AKT3: variants seen among roughly 807,000 people sequenced by gnomAD.
AKT3 encodes RAC-gamma serine/threonine-protein kinase.
AKT3 carries 15 observed loss-of-function variants against 65.3 expected under a neutral mutation model. The ratio of observed to expected loss-of-function variants is 0.23; its 90% CI spans 0.15 to 0.35. AKT3 has a LOEUF of 0.35. Ranked by LOEUF, AKT3 falls within the 10% of genes least tolerant of loss-of-function variation. The pLI, the probability that AKT3 is intolerant of heterozygous loss-of-function variation, is 1.00. For synonymous variants in AKT3, 206 were observed against 183.8 expected (o/e 1.12, Z -0.98); for missense variants, 243 against 576.5 (o/e 0.42, Z 5.92).
intron 12 of AKT3, among the ~76,000 whole-genome samples, chr1:243,513,621 T>C (rs1670156559): frequency 6.6e-6 from 1 of 152,162 alleles, no homozygotes. Flanking sequence ...GACATTTCAG[T>C]TTATGGTACA....
At chr1:243,544,921 C>T (rs1175927966) in intron 12 of AKT3, among the ~76,000 whole-genome samples, 1 of 151,368 alleles carries the variant, frequency 6.6e-6, no homozygotes, top group Non-Finnish European at 1.5e-5. Context: ...GGTCTCAAAA[C>T]TCCTGGCCTC....
intron 4 of AKT3, among the ~76,000 whole-genome samples, chr1:243,656,511 TG>T (rs1456531869): frequency 1.3e-5 from 2 of 152,152 alleles, no homozygotes; most frequent in African/African-American, 4.8e-5. Flanking sequence ...AATAAAAGTT[TG>T]TGATGGGGAC....
intron 2 of AKT3, among the ~76,000 whole-genome samples, chr1:243,758,863 T>G (rs1572291517): frequency 6.6e-6 from 1 of 152,180 alleles, no homozygotes; most frequent in South Asian, 2.1e-4. Flanking sequence ...GGACCAGTAC[T>G]TGTCCACAGG....
chr1:243,665,791 G>A (rs1682725980), intron 3 of AKT3, among the ~76,000 whole-genome samples: 1 of 152,108 alleles, frequency 6.6e-6, no homozygotes, highest in Admixed American at 6.5e-5. Context: ...TCTGAGCTGG[G>A]CTTTAAAGGA....
chr1:243,523,305 AC>A lies in AKT3; in HGVS notation c.1252-10880del, dbSNP rs374967206. Among the ~76,000 whole-genome samples the A allele has an allele frequency of 2.5e-3, 358 of 145,770 alleles. 2 individuals are homozygous for A. Among genetic ancestry groups the A allele is most frequent in the African/African-American group, 8.3e-3 (323 of 38,824 alleles). ...CACACACACACACACACACACACAC[AC>A]ACCTTTCAGAAACCAATTGGATATC... On this transcript the variant is annotated intron_variant, in intron 12 of 13. Transcript: ENST00000673466.
At chr1:243,496,596 C>T (rs765410922), downstream of AKT3, among the ~76,000 whole-genome samples, 1 of 152,212 alleles carries the variant, frequency 6.6e-6, no homozygotes, top group Non-Finnish European at 1.5e-5. Context: ...GAGCCACCCA[C>T]GGAGACAGTG....
intron 1 of AKT3, among the ~76,000 whole-genome samples, chr1:243,849,428 C>T (rs1695660412): frequency 6.8e-6 from 1 of 146,164 alleles, no homozygotes; most frequent in Non-Finnish European, 1.5e-5. Flanking sequence ...TCCTGCGCGC[C>T]AGTGGCGGGG....
intron 3 of AKT3, among the ~76,000 whole-genome samples, chr1:243,675,436 G>C (rs1683440980): frequency 6.6e-6 from 1 of 152,136 alleles, no homozygotes; most frequent in Non-Finnish European, 1.5e-5. Flanking sequence ...CCTGACCTCA[G>C]GTGATCAGCC....
At position 243,693,242 on chromosome 1, in the gene AKT3, T is replaced by TTATATATATATATATATA. The variant is rs747780262; in HGVS notation, c.172+2348_172+2349insTATATATATATATATATA. 1.2e-4 allele frequency among the ~76,000 whole-genome samples: 7 copies of TTATATATATATATATATA among 59,980 alleles called. 2 individuals are homozygous for TTATATATATATATATATA. The highest frequency in any genetic ancestry group is 2.9e-4 in the African/African-American group (5 of 17,174). The allele number at this position is 59,980 out of a possible 152,430, so 39.3% of individuals were successfully genotyped here. A position where few individuals can be genotyped will look rare whatever the true frequency, so the allele number is the denominator to read the frequency against. Reference sequence around the variant, plus strand: ...ATATATCCCTTTGGTAGCTACAATTTGATATATATATATATATATATATAT... The same window carrying TTATATATATATATATATA: ...ATATATCCCTTTGGTAGCTACAATTTTATATATATATATATATAGATATATATATATATATATATATAT... On this transcript the variant is annotated intron_variant, in intron 3 of 13. Transcript: ENST00000673466.
At chr1:243,700,532 T>G (rs560360146) in intron 2 of AKT3, among the ~76,000 whole-genome samples, 4 of 146,114 alleles carry the variant, frequency 2.7e-5, no homozygotes, top group African/African-American at 1.0e-4. Context: ...TGAGACACAG[T>G]CTTGCTCTGT....
Position 243,573,119 on chromosome 1 carries a change from A to C in AKT3, c.697-71T>G, listed in dbSNP as rs182254806. 819 of 1,539,690 alleles carry C rather than the reference A, an allele frequency of 5.3e-4. 2 individuals carry two copies. The Middle Eastern group carries it at 0.011, about 21-fold the overall frequency. On this transcript the variant is annotated intron_variant, in intron 8 of 13. Coordinates refer to ENST00000673466, the MANE Select transcript of AKT3 (RefSeq NM_005465.7). ...AGTGGGGGAAATTAACACAAACATAAAACACCTCTCATCACCATATTGTGA... is the reference window on the plus strand; with the variant it reads ...AGTGGGGGAAATTAACACAAACATACAACACCTCTCATCACCATATTGTGA...
At chr1:243,624,940 C>G (rs997785567) in intron 6 of AKT3, 46 of 270,276 alleles carry the variant, frequency 1.7e-4, no homozygotes, top group African/African-American at 9.9e-4. Context: ...CTGATAATCA[C>G]TCTTGGTTTG....
intron 2 of AKT3, among the ~76,000 whole-genome samples, chr1:243,796,923 C>A (rs1692054889): frequency 6.6e-6 from 1 of 151,908 alleles, no homozygotes; most frequent in South Asian, 2.1e-4. Context: ...CTAAAGCAGT[C>A]AAATTTAAGA....
intron 2 of AKT3, among the ~76,000 whole-genome samples, chr1:243,758,241 C>T (rs981344824): frequency 6.6e-6 from 1 of 151,918 alleles, no homozygotes; most frequent in Admixed American, 6.6e-5. Flanking sequence ...TTATATAGTA[C>T]GAAAAATGCT....
chr1:243,808,938 G>A (rs7542018), intron 2 of AKT3, among the ~76,000 whole-genome samples: 137,761 of 152,240 alleles, frequency 0.9, 62,549 homozygotes, highest in African/African-American at 0.98. Flanking sequence ...ACTAAGCTTC[G>A]TAAGTGAAGG....
intron 2 of AKT3, among the ~76,000 whole-genome samples, chr1:243,796,832 G>A (rs1304985621): frequency 6.6e-6 from 1 of 152,136 alleles, no homozygotes; most frequent in Non-Finnish European, 1.5e-5. Context: ...ATGTGCCACA[G>A]CATGGATGAA....
intron 2 of AKT3, among the ~76,000 whole-genome samples, chr1:243,771,573 A>G (rs1191490508): frequency 6.6e-6 from 1 of 152,212 alleles, no homozygotes; most frequent in Non-Finnish European, 1.5e-5. Context: ...CTTCAGAGTT[A>G]GCTATCTGCA....
At chr1:243,548,574 T>C (rs1206200901) in intron 11 of AKT3, among the ~76,000 whole-genome samples, 1 of 152,180 alleles carries the variant, frequency 6.6e-6, no homozygotes. Context: ...TAATATACAA[T>C]TTAAGACTTC....
intron 3 of AKT3, among the ~76,000 whole-genome samples, chr1:243,667,792 A>G (rs1282687673): frequency 2.0e-5 from 3 of 152,188 alleles, no homozygotes; most frequent in African/African-American, 7.2e-5. Context: ...ACCCCACTGA[A>G]GTTTCTGACC....
Sources: gnomAD v4.1 joint callset for allele counts (sites outside exome capture counted in the v4.1 genomes callset) on GRCh38, gnomAD v4.1.1 for gene constraint, MANE v1.5 for transcripts, NCBI Gene and HGNC (gene_info 2026-07-23, HGNC 2026-07-21) for gene names.